Variants in ACTN4 observed in about 807,000 individuals in gnomAD.
The protein encoded by ACTN4 is alpha-actinin-4.
A neutral mutation model predicts 114.2 loss-of-function variants in ACTN4; 18 were observed. The ratio of observed to expected loss-of-function variants is 0.16; its 90% CI spans 0.11 to 0.23. The LOEUF is 0.23. ACTN4 is among the 10% of genes least tolerant of loss of function. The pLI, the probability that ACTN4 is intolerant of heterozygous loss-of-function variation, is 1.00. For synonymous variants in ACTN4, 515 were observed against 506.3 expected, an observed-to-expected ratio of 1.02 and a Z score of -0.23; for missense variants, 722 against 1,262.9, an observed-to-expected ratio of 0.57 and a Z score of 6.49.
At chr19:38,679,859 G>A (rs1967500594) in intron 1 of ACTN4, among the ~76,000 whole-genome samples, 1 of 151,888 alleles carries the variant, frequency 6.6e-6, no homozygotes, top group Non-Finnish European at 1.5e-5. Context: ...CATGTCTTAA[G>A]AAAAAAACAA....
At chr19:38,670,904 A>G (rs997657205) in intron 1 of ACTN4, among the ~76,000 whole-genome samples, 4 of 150,982 alleles carry the variant, frequency 2.6e-5, no homozygotes, top group African/African-American at 9.8e-5. Context: ...GCCTGGTGAC[A>G]GAGCAATACT....
At chr19:38,689,436 G>A (rs988594479) in intron 1 of ACTN4, among the ~76,000 whole-genome samples, 4 of 152,084 alleles carry the variant, frequency 2.6e-5, no homozygotes, top group Admixed American at 6.6e-5. Context: ...GAGGGAAGTG[G>A]GGTTGGAGAG....
At chr19:38,722,314 C>T (rs773572763) in intron 12 of ACTN4, among the ~76,000 whole-genome samples, 1 of 152,202 alleles carries the variant, frequency 6.6e-6, no homozygotes. Context: ...ATGGAAAATC[C>T]ACAGGCCCTC....
chr19:38,710,701 A>G (rs1444681429), intron 8 of ACTN4: 12 of 371,898 alleles, frequency 3.2e-5, no homozygotes, highest in Non-Finnish European at 6.3e-5. Flanking sequence ...GGTGACCTTC[A>G]GCTGGTGCTG....
chr19:38,667,993 AGGCCT>A (rs1479814604), intron 1 of ACTN4, among the ~76,000 whole-genome samples: 1 of 152,230 alleles, frequency 6.6e-6, no homozygotes, highest in Non-Finnish European at 1.5e-5. Context: ...CAGAAGAGCC[AGGCCT>A]GGTTAAGGAA....
At chr19:38,720,328 C>T (rs147396929) in intron 11 of ACTN4, among the ~76,000 whole-genome samples, 2 of 152,294 alleles carry the variant, frequency 1.3e-5, no homozygotes, top group African/African-American at 2.4e-5. Flanking sequence ...GGCAATGGTC[C>T]GCTGCCCACA....
intron 12 of ACTN4, among the ~76,000 whole-genome samples, chr19:38,722,268 C>T (rs899118987): frequency 1.3e-5 from 2 of 152,146 alleles, no homozygotes; most frequent in African/African-American, 4.8e-5. Context: ...AGCAGCAGGG[C>T]GGGCCCAGGC....
At chr19:38,722,269 G>C (rs372573302) in intron 12 of ACTN4, among the ~76,000 whole-genome samples, 1 of 152,146 alleles carries the variant, frequency 6.6e-6, no homozygotes, top group Non-Finnish European at 1.5e-5. Flanking sequence ...GCAGCAGGGC[G>C]GGCCCAGGCA....
At chr19:38,690,790 C>G (rs1011062413) in intron 1 of ACTN4, among the ~76,000 whole-genome samples, 4 of 152,210 alleles carry the variant, frequency 2.6e-5, no homozygotes, top group African/African-American at 9.6e-5. Context: ...TATACTAAAA[C>G]TCCCTGAATT....
intron 7 of ACTN4, among the ~76,000 whole-genome samples, chr19:38,709,767 C>T (rs1472103226): frequency 6.6e-6 from 1 of 152,188 alleles, no homozygotes; most frequent in Non-Finnish European, 1.5e-5. Flanking sequence ...TCCTCAGGGC[C>T]CAGGAAGGGC....
In ACTN4 at chr19:38,647,860, G is replaced by C; in HGVS notation, c.115G>C (p.Asp39His). Residue 39 changes from aspartate (D) to histidine (H), a missense_variant, in exon 1 of 21, where the codon GAC (aspartate) becomes CAC (histidine). Coordinates refer to ENST00000252699, the MANE Select transcript of ACTN4 (RefSeq NM_004924.6). ...CTACATGGCCCAGGAGGACGACTGG[G>C]ACCGGGACCTGCTGCTGGACCCGGC... The part of the protein sequence containing the change: ...GDYMAQEDDW[D>H]RDLLLDPAWE... 1 of 1,539,266 alleles carries C rather than the reference G, an allele frequency of 6.5e-7. No homozygotes were observed. The highest frequency in any genetic ancestry group is 8.7e-7 in the Non-Finnish European group (1 of 1,143,256).
Position 38,729,522 on chromosome 19 carries a change from C to A in ACTN4, c.*90C>A. 1 of 1,156,242 alleles carries A rather than the reference C, an allele frequency of 8.6e-7. No homozygotes were observed. Among genetic ancestry groups the A allele is most frequent in the South Asian group, 1.3e-5 (1 of 78,466 alleles). The allele number at this position is 1,156,242 out of a possible 1,614,324, so 71.6% of individuals were successfully genotyped here. Reference sequence around the variant, plus strand: ...CCCATTCCTCCACTCTGTATCTATGCAAAGCACTCTCTGCAGTCCTCCGGG... The same window carrying A: ...CCCATTCCTCCACTCTGTATCTATGAAAAGCACTCTCTGCAGTCCTCCGGG... On this transcript the variant is annotated 3_prime_UTR_variant, in exon 21 of 21. Coordinates refer to ENST00000252699, the MANE Select transcript of ACTN4 (RefSeq NM_004924.6).
In ACTN4 at chr19:38,709,376, C is replaced by T. The variant is rs369348159; in HGVS notation, c.652-19C>T. ...CTGCCCTGACGGAGTTCTTGTTGTC[C>T]CCACTTGCCTCCTTCTAGGACGACC... On this transcript the variant is annotated intron_variant, in intron 6 of 20. Transcript: ENST00000252699. The T allele has an allele frequency of 7.5e-6, 12 of 1,601,944 alleles. No individual in the cohort carries two copies. In the South Asian group the frequency reaches 7.7e-5, roughly 10 times the overall value.
intron 1 of ACTN4, among the ~76,000 whole-genome samples, chr19:38,673,714 T>C (rs185756118): frequency 0.076 from 6,855 of 89,984 alleles, 624 homozygotes; most frequent in South Asian, 0.13. Context: ...TATATTTATA[T>C]ATTTATATAT....
rs896894226 is a variant in ACTN4, at chr19:38,730,733, G to C, written c.*1301G>C. On this transcript the variant is annotated 3_prime_UTR_variant, in exon 21 of 21. Coordinates refer to ENST00000252699, the MANE Select transcript of ACTN4 (RefSeq NM_004924.6). ...ACCCGGCCGTGAGCAGTGAGGGCCA[G>C]AGACTAGCCCCAGACAGGTGGATGC... is the stretch of plus-strand genomic sequence containing the variant. 1.5e-6 allele frequency: 2 copies of C among 1,315,234 alleles called. No homozygotes were observed. The highest frequency in any genetic ancestry group is 2.1e-6 in the Non-Finnish European group (2 of 945,256). The allele number at this position is 1,315,234 out of a possible 1,614,324, so 81.5% of individuals were successfully genotyped here.
chr19:38,678,554 GTCAGTACCATGGAAAA>G (rs1967450090), intron 1 of ACTN4, among the ~76,000 whole-genome samples: 1 of 152,248 alleles, frequency 6.6e-6, no homozygotes, highest in South Asian at 2.1e-4. Context: ...CGGCAGAGAA[GTCAGTACCATGGAAAA>G]TCTAGAGAAA....
At position 38,657,430 on chromosome 19, in the gene ACTN4, A is replaced by G. The variant is rs146621637; in HGVS notation, c.162+9523A>G. ...AGTGCTGGGGTTACAGGCATGAGCC[A>G]CTGTGCCCGAACTAATTTTTAAATT... On this transcript the variant is annotated intron_variant, in intron 1 of 20. Coordinates refer to ENST00000252699, the MANE Select transcript of ACTN4 (RefSeq NM_004924.6). Among the ~76,000 whole-genome samples the G allele has an allele frequency of 2.4e-3, 363 of 152,358 alleles. 8 individuals carry two copies. In the East Asian group the frequency reaches 0.048, roughly 20 times the overall value.
At chr19:38,714,940 C>A (rs1201804295) in intron 9 of ACTN4, among the ~76,000 whole-genome samples, 1 of 152,186 alleles carries the variant, frequency 6.6e-6, no homozygotes, top group Non-Finnish European at 1.5e-5. Context: ...GCCTGGGAAC[C>A]AATAGGATAG....
chr19:38,659,827 TG>T (rs1168894149), intron 1 of ACTN4, among the ~76,000 whole-genome samples: 1 of 152,230 alleles, frequency 6.6e-6, no homozygotes, highest in East Asian at 1.9e-4. Flanking sequence ...TGAGGGTCTT[TG>T]GGGAGTGTGC....
Sources: gnomAD v4.1 joint callset for allele counts (sites outside exome capture counted in the v4.1 genomes callset) on GRCh38, gnomAD v4.1.1 for gene constraint, MANE v1.5 for transcripts, NCBI Gene and HGNC (gene_info 2026-07-23, HGNC 2026-07-21) for gene names.